Variants in MED12L observed in about 807,000 individuals in gnomAD.
MED12L encodes the protein mediator of RNA polymerase II transcription subunit 12-like protein.
A neutral mutation model predicts 281.3 loss-of-function variants in MED12L; 60 were observed. The observed-to-expected ratio is 0.21, with a 90% CI of 0.17 to 0.26. MED12L has a LOEUF of 0.26. MED12L is among the 10% of genes least tolerant of loss of function. The probability of loss-of-function intolerance (pLI) is 1.00; values close to 1 mark genes in which losing one functional copy is unlikely to be tolerated. For synonymous variants in MED12L, 974 were observed against 987.2 expected (o/e 0.99, Z 0.25); for missense variants, 2,146 against 2,680.9 (o/e 0.80, Z 4.41).
At chr3:151,377,783 C>A (rs945132061) in intron 30 of MED12L, among the ~76,000 whole-genome samples, 2 of 152,138 alleles carry the variant, frequency 1.3e-5, no homozygotes, top group African/African-American at 4.8e-5. Flanking sequence ...AGTTTAGTTA[C>A]AATATCCTTC....
Position 151,165,957 on chromosome 3 carries a change from C to A in MED12L, c.1469C>A (p.Ala490Glu). The change falls in exon 11 of 45, where the codon GCA (alanine) becomes GAA (glutamate). Residue 490 changes from alanine (A) to glutamate (E), a missense_variant. By Grantham distance (107) the Ala-to-Glu change is moderately radical. Transcript: ENST00000687756. The stretch of plus-strand genomic sequence containing the variant: ...ACACTTTATCATAAGATTTTCTGGG[C>A]AAACCAAAACAAAGATAACCAAGAG... ...METLYHKIFW[A>E]NQNKDNQEVA... is the part of the protein sequence containing the mutation. The A allele has an allele frequency of 6.2e-7, 1 of 1,611,696 alleles. No homozygotes were observed.
At chr3:151,096,790 G>A (rs1001598911) in intron 2 of MED12L, among the ~76,000 whole-genome samples, 1 of 152,240 alleles carries the variant, frequency 6.6e-6, no homozygotes, top group African/African-American at 2.4e-5. Context: ...TCTGGGCCAA[G>A]CACTTGTGTG....
At chr3:151,157,668 T>G (rs892746329) in intron 6 of MED12L, among the ~76,000 whole-genome samples, 4 of 152,214 alleles carry the variant, frequency 2.6e-5, no homozygotes, top group Non-Finnish European at 5.9e-5. Context: ...TTTTAAAAAT[T>G]AGAAATTAGC....
intron 25 of MED12L, 109 bp downstream of exon 25, chr3:151,368,360 A>G: frequency 1.1e-6 from 1 of 903,950 alleles, no homozygotes; most frequent in East Asian, 2.6e-5. Flanking sequence ...TTTTTTGGGC[A>G]TGCCCTGGGG....
At chr3:151,357,978 C>A (rs941824411) in intron 20 of MED12L, among the ~76,000 whole-genome samples, 1 of 152,156 alleles carries the variant, frequency 6.6e-6, no homozygotes, top group Non-Finnish European at 1.5e-5. Flanking sequence ...CAAAAACTTA[C>A]ATAAGCTGCT....
chr3:151,408,600 T>C (rs1716603777), intron 39 of MED12L, among the ~76,000 whole-genome samples: 1 of 152,242 alleles, frequency 6.6e-6, no homozygotes, highest in Non-Finnish European at 1.5e-5. Context: ...GTGAATATAT[T>C]TGTTTTCTTA....
At chr3:151,165,586 AT>A in intron 10 of MED12L, 67 bp downstream of exon 10, 1 of 1,370,236 alleles carries the variant, frequency 7.3e-7, no homozygotes, top group Non-Finnish European at 1.0e-6. Flanking sequence ...TTTGCTTCTT[AT>A]AAACCATTCC....
intron 2 of MED12L, among the ~76,000 whole-genome samples, chr3:151,094,849 A>G (rs909797641): frequency 6.6e-6 from 1 of 152,242 alleles, no homozygotes; most frequent in Non-Finnish European, 1.5e-5. Context: ...ATTATTAAGT[A>G]ACTTTGACTG....
chr3:151,304,546 G>T (rs1042400502), intron 16 of MED12L, among the ~76,000 whole-genome samples: 1 of 151,882 alleles, frequency 6.6e-6, no homozygotes, highest in South Asian at 2.1e-4. Flanking sequence ...CTCCAGCCTG[G>T]GCGACAGAGT....
At chr3:151,276,424 A>G (rs944677958) in intron 16 of MED12L, among the ~76,000 whole-genome samples, 2 of 152,250 alleles carry the variant, frequency 1.3e-5, no homozygotes, top group Admixed American at 6.5e-5. Context: ...AGCCTTCTGC[A>G]GGTGAGGATG....
At chr3:151,430,505 G>A in intron 44 of MED12L, 125 bp downstream of exon 44, 1 of 1,398,670 alleles carries the variant, frequency 7.1e-7, no homozygotes, top group Non-Finnish European at 9.5e-7. Flanking sequence ...CATGTTATTT[G>A]GTTTAGCCCA....
chr3:151,414,103 C>G (rs565819812), intron 42 of MED12L, among the ~76,000 whole-genome samples: 1 of 152,116 alleles, frequency 6.6e-6, no homozygotes, highest in Non-Finnish European at 1.5e-5. Flanking sequence ...CCGCCCACCT[C>G]GGCCTCCCAA....
chr3:151,276,339 A>T lies in MED12L; in HGVS notation c.2251-73720A>T, dbSNP rs1741850781. 2.0e-5 allele frequency among the ~76,000 whole-genome samples: 3 copies of T among 152,212 alleles called. No individual in the cohort carries two copies. The South Asian group carries it at 6.2e-4, about 31-fold the overall frequency. On this transcript the variant is annotated intron_variant, in intron 16 of 44. Coordinates refer to ENST00000687756, the MANE Select transcript of MED12L (RefSeq NM_001393769.1). ...TGAGATCCACTGCTCTATCCAAACAAACTTGGCACTCTTGTACTGATATAA... is the reference window on the plus strand; with the variant it reads ...TGAGATCCACTGCTCTATCCAAACATACTTGGCACTCTTGTACTGATATAA...
intron 16 of MED12L, chr3:151,214,042 A>G (rs1264718970): frequency 1.9e-6 from 3 of 1,614,154 alleles, no homozygotes; most frequent in East Asian, 2.2e-5. Flanking sequence ...CCTGCACACA[A>G]ACACGTTCAG....
At chr3:151,272,992 C>G (rs1741234002) in intron 16 of MED12L, among the ~76,000 whole-genome samples, 1 of 152,024 alleles carries the variant, frequency 6.6e-6, no homozygotes, top group Non-Finnish European at 1.5e-5. Flanking sequence ...ACATGACTCT[C>G]AAAAGAAATG....
chr3:151,237,350 C>CTTTTT (rs57239604), intron 16 of MED12L, among the ~76,000 whole-genome samples: 26 of 94,598 alleles, frequency 2.7e-4, no homozygotes, highest in Admixed American at 4.7e-4. Flanking sequence ...TTTTTTTTTT[C>CTTTTT]TTTTTTTTTT....
chr3:151,392,139 G>A (rs1714314685), intron 38 of MED12L, among the ~76,000 whole-genome samples: 1 of 152,108 alleles, frequency 6.6e-6, no homozygotes, highest in South Asian at 2.1e-4. Flanking sequence ...TTTATAAACT[G>A]AGGAACTTTA....
intron 3 of MED12L, among the ~76,000 whole-genome samples, chr3:151,117,212 A>AC (rs1220803619): frequency 6.6e-6 from 1 of 151,518 alleles, no homozygotes; most frequent in African/African-American, 2.4e-5. Flanking sequence ...TATAATCCGT[A>AC]CCTTCATTTT....
At chr3:151,383,298 C>T (rs1021649480) in intron 33 of MED12L, among the ~76,000 whole-genome samples, 12 of 152,202 alleles carry the variant, frequency 7.9e-5, no homozygotes, top group Admixed American at 3.9e-4. Context: ...TGTCCCAACA[C>T]GTGAACTGGT....
Sources: allele counts gnomAD v4.1 joint callset (sites outside exome capture counted in the v4.1 genomes callset), GRCh38; gene constraint gnomAD v4.1.1; transcripts MANE v1.5; gene names NCBI Gene and HGNC (gene_info 2026-07-23, HGNC 2026-07-21).